ARCN1: variants seen among roughly 807,000 people sequenced by gnomAD.
The protein encoded by ARCN1 is coatomer subunit delta.
ARCN1 carries 5 observed loss-of-function variants against 60.4 expected under a neutral mutation model. The ratio of observed to expected loss-of-function variants is 0.08; its 90% CI spans 0.04 to 0.17. ARCN1 has a LOEUF of 0.17. ARCN1 is among the 10% of genes least tolerant of loss of function. The pLI is 1.00. For synonymous variants in ARCN1, 224 were observed against 220.0 expected (o/e 1.02, Z -0.16); for missense variants, 464 against 626.5 (o/e 0.74, Z 2.77).
chr11:118,589,726 C>G (rs1329308614), intron 5 of ARCN1, among the ~76,000 whole-genome samples: 2 of 151,816 alleles, frequency 1.3e-5, no homozygotes, highest in Non-Finnish European at 2.9e-5. Flanking sequence ...CGTGAATATG[C>G]CTTTATTTGA....
In ARCN1 at chr11:118,583,897, A is replaced by G. The variant is rs1555075039; in HGVS notation, c.536A>G (p.Lys179Arg). ...ARRDAERQGK[K>R]APGFGGFGSS... ...AGAGATGCAGAGAGACAGGGCAAAA[A>G]AGCACCAGGATTTGGCGGATTTGGC... is the stretch of plus-strand genomic sequence containing the variant. The change falls in exon 4 of 10, where the codon AAA (lysine) becomes AGA (arginine). Residue 179 changes from lysine to arginine, a missense_variant. By Grantham distance (26) the Lys-to-Arg change is conservative. This residue lies in a region of ARCN1 where 359 missense variants were observed against 440.2 expected (regional missense o/e 0.82). Transcript: ENST00000264028. 6.2e-7 allele frequency: 1 copy of G among 1,614,256 alleles called. No individual in the cohort carries two copies. The highest frequency in any genetic ancestry group is 8.5e-7 in the Non-Finnish European group (1 of 1,180,046).
chr11:118,581,338 A>G lies in ARCN1; in HGVS notation c.96A>G (p.Leu32=). 6.2e-7 allele frequency: 1 copy of G among 1,614,242 alleles called. No homozygotes were observed. The highest frequency in any genetic ancestry group is 8.5e-7 in the Non-Finnish European group (1 of 1,180,040). ...TGACCCGAACTCGGATTGAGGGCTTATTAGCAGCTTTTCCAAAGCTCATGA... is the reference window on the plus strand; with the variant it reads ...TGACCCGAACTCGGATTGAGGGCTTGTTAGCAGCTTTTCCAAAGCTCATGA... The part of the protein sequence containing the change: ...VEMTRTRIEG[L]LAAFPKLMNT... The change falls in exon 2 of 10, where the codon TTA becomes TTG. Residue 32 remains leucine (L), a synonymous_variant. Coordinates refer to ENST00000264028, the MANE Select transcript of ARCN1 (RefSeq NM_001655.5).
At position 118,593,608 on chromosome 11, in the gene ARCN1, A is replaced by G; in HGVS notation, c.1151A>G (p.Glu384Gly). 6.2e-7 allele frequency: 1 copy of G among 1,612,768 alleles called. No homozygotes were observed. Among genetic ancestry groups the G allele is most frequent in the Non-Finnish European group, 8.5e-7 (1 of 1,178,942 alleles). Residue 384 changes from glutamate (E) to glycine (G), a missense_variant, in exon 8 of 10, where the codon GAG (glutamate) becomes GGG (glycine). Around this residue, in one of 2 missense-constraint regions of ARCN1, gnomAD observed 359 missense variants for 440.2 expected, o/e 0.82. Coordinates refer to ENST00000264028, the MANE Select transcript of ARCN1 (RefSeq NM_001655.5). ...TCCTCAGTTAATTGCTGGCCCTCGG[A>G]GAGTGGAAATGGCTGTGATGTCAAC... ...IPLTINCWPS[E>G]SGNGCDVNIE...
At chr11:118,575,913 G>A (rs1434109823) in intron 1 of ARCN1, among the ~76,000 whole-genome samples, 4 of 151,748 alleles carry the variant, frequency 2.6e-5, no homozygotes, top group Non-Finnish European at 4.4e-5. Context: ...GTTCCAAAGT[G>A]GTTAGAACTG....
intron 9 of ARCN1, among the ~76,000 whole-genome samples, chr11:118,598,243 A>C (rs1163609945): frequency 6.6e-6 from 1 of 152,060 alleles, no homozygotes; most frequent in Non-Finnish European, 1.5e-5. Flanking sequence ...TTGCCAAAAC[A>C]CCCCAACACA....
Position 118,601,671 on chromosome 11 carries a change from C to A in ARCN1, c.*957C>A, listed in dbSNP as rs1555078167. 5 of 702,912 alleles carry A rather than the reference C, an allele frequency of 7.1e-6. No homozygotes were observed. The highest frequency in any genetic ancestry group is 4.4e-5 in the South Asian group (3 of 67,600). 43.5% of individuals were successfully genotyped at this position (702,912 alleles called of 1,614,324 possible). A position where few individuals can be genotyped will look rare whatever the true frequency, so the allele number is the denominator to read the frequency against. On this transcript the variant is annotated 3_prime_UTR_variant, in exon 10 of 10. Coordinates refer to ENST00000264028, the MANE Select transcript of ARCN1 (RefSeq NM_001655.5). ...CTTCTGTTCTTTTCCCGTATCAATTCATTCCTTCATCTCTTTGCCAAGTTG... is the reference window on the plus strand; with the variant it reads ...CTTCTGTTCTTTTCCCGTATCAATTAATTCCTTCATCTCTTTGCCAAGTTG...
intron 1 of ARCN1, among the ~76,000 whole-genome samples, chr11:118,580,519 A>G (rs1197794518): frequency 1.3e-5 from 2 of 152,176 alleles, no homozygotes; most frequent in Non-Finnish European, 2.9e-5. Flanking sequence ...AAAACTACAC[A>G]ACTCTTTTTT....
intron 8 of ARCN1, among the ~76,000 whole-genome samples, chr11:118,597,143 G>T (rs1939043886): frequency 6.6e-6 from 1 of 152,216 alleles, no homozygotes; most frequent in South Asian, 2.1e-4. Flanking sequence ...GGAGGCGGAG[G>T]TTGCAGTGAG....
At chr11:118,581,073 T>C (rs1223331629) in intron 1 of ARCN1, among the ~76,000 whole-genome samples, 173 bp from the exon 2 acceptor site, 1 of 152,156 alleles carries the variant, frequency 6.6e-6, no homozygotes, top group Non-Finnish European at 1.5e-5. Context: ...TGAGCTGTGG[T>C]CTTGCCATTG....
At chr11:118,583,643 A>G (rs1555074993) in intron 3 of ARCN1, among the ~76,000 whole-genome samples, 166 bp from the exon 4 acceptor site, 1 of 152,096 alleles carries the variant, frequency 6.6e-6, no homozygotes, top group Admixed American at 6.6e-5. Context: ...TGTGGGTCCC[A>G]GCTACTTGGG....
chr11:118,601,250 C>T lies in ARCN1; in HGVS notation c.*536C>T, dbSNP rs1033540487. On this transcript the variant is annotated 3_prime_UTR_variant, in exon 10 of 10. Coordinates refer to ENST00000264028, the MANE Select transcript of ARCN1 (RefSeq NM_001655.5). ...CTAATTTTTTGTATTTTAGTAGAGA[C>T]GGGGTTTCACCGTGTTGCCCAGGCT... 1.6e-4 allele frequency: 52 copies of T among 321,892 alleles called. No individual in the cohort carries two copies. The highest frequency in any genetic ancestry group is 8.8e-4 in the African/African-American group (39 of 44,396). The allele number at this position is 321,892 out of a possible 1,614,324, so 19.9% of individuals were successfully genotyped here.
At chr11:118,592,991 G>A in intron 7 of ARCN1, 135 bp downstream of exon 7, 1 of 850,978 alleles carries the variant, frequency 1.2e-6, no homozygotes, top group Non-Finnish European at 1.8e-6. Flanking sequence ...AATGGACCTG[G>A]TGCTGCATTT....
Position 118,600,915 on chromosome 11 carries a change from A to G in ARCN1, c.*201A>G, listed in dbSNP as rs12422097. 5 of 413,300 alleles carry G rather than the reference A, an allele frequency of 1.2e-5. No individual in the cohort carries two copies. Among genetic ancestry groups the G allele is most frequent in the African/African-American group, 1.1e-4 (5 of 47,350 alleles). The allele number at this position is 413,300 out of a possible 1,614,324, so 25.6% of individuals were successfully genotyped here. A position where few individuals can be genotyped will look rare whatever the true frequency, so the allele number is the denominator to read the frequency against. On this transcript the variant is annotated 3_prime_UTR_variant, in exon 10 of 10. Transcript: ENST00000264028. Reference sequence around the variant, plus strand: ...AGACATTCTTTGATAAGGAAATGGCACAAACATAAAGGGAAAGGCTGCTAA... The same window carrying G: ...AGACATTCTTTGATAAGGAAATGGCGCAAACATAAAGGGAAAGGCTGCTAA...
rs182216691 is a variant in ARCN1, at chr11:118,583,683, A to C, written c.448-126A>C. ...TGAGATGGGAGGATCACTTGAGCCCAGGAAGTTGAGGCTGCAGTGAGCTGT... is the reference window on the plus strand; with the variant it reads ...TGAGATGGGAGGATCACTTGAGCCCCGGAAGTTGAGGCTGCAGTGAGCTGT... On this transcript the variant is annotated intron_variant, in intron 3 of 9. Coordinates refer to ENST00000264028, the MANE Select transcript of ARCN1 (RefSeq NM_001655.5). 1.1e-3 allele frequency: 1,065 copies of C among 973,452 alleles called. 5 individuals are homozygous for C. In the African/African-American group the frequency reaches 0.013, roughly 12 times the overall value. 60.3% of individuals were successfully genotyped at this position (973,452 alleles called of 1,614,324 possible).
intron 9 of ARCN1, 133 bp downstream of exon 9, chr11:118,598,044 A>G: frequency 1.3e-6 from 1 of 774,932 alleles, no homozygotes. Flanking sequence ...CTCCTACAGG[A>G]ATTCCCTTTC....
rs913176572 is a variant in ARCN1 at position 118,583,951 on chromosome 11, C to T, written c.590C>T (p.Ala197Val). Residue 197 changes from alanine (A) to valine (V), a missense_variant, in exon 4 of 10, where the codon GCT (alanine) becomes GTT (valine). By Grantham distance (64) the Ala-to-Val change is moderately conservative. Transcript: ENST00000264028. ...TCTGCAGTATCTGGAGGCAGCACAG[C>T]TGCCATGATCACAGAGACCATCATT... ...GSSAVSGGST[A>V]AMITETIIET... The T allele has an allele frequency of 6.2e-7, 1 of 1,614,092 alleles. No individual in the cohort carries two copies. The highest frequency in any genetic ancestry group is 1.3e-5 in the African/African-American group (1 of 74,938).
chr11:118,582,601 C>T (rs1938683071), intron 2 of ARCN1, among the ~76,000 whole-genome samples: 1 of 151,444 alleles, frequency 6.6e-6, no homozygotes. Flanking sequence ...GTGGCGGGCA[C>T]CCATAATCCT....
Position 118,584,560 on chromosome 11 carries a change from A to C in ARCN1, c.734A>C (p.Glu245Ala). ...VDNFVDKLKS[E>A]GETIMSSSMG... ...AACTTTGTGGACAAATTAAAATCTG[A>C]AGGTGAAACCATCATGTCCTCTAGT... Residue 245 changes from glutamate (E) to alanine (A), a missense_variant, in exon 5 of 10, where the codon GAA (glutamate) becomes GCA (alanine). This residue lies in a region of ARCN1 where 359 missense variants were observed against 440.2 expected (regional missense o/e 0.82). Transcript: ENST00000264028. 2 of 1,614,052 alleles carry C rather than the reference A, an allele frequency of 1.2e-6. No homozygotes were observed. The highest frequency in any genetic ancestry group is 1.7e-6 in the Non-Finnish European group (2 of 1,179,990).
chr11:118,590,264 G>A, intron 5 of ARCN1, 77 bp from the exon 6 acceptor site: 1 of 1,280,896 alleles, frequency 7.8e-7, no homozygotes, highest in Non-Finnish European at 1.1e-6. Flanking sequence ...CAAAGTGCTG[G>A]GGTTATAGGC....
Sources: allele counts gnomAD v4.1 joint callset (sites outside exome capture counted in the v4.1 genomes callset), GRCh38; gene constraint gnomAD v4.1.1; regional missense constraint gnomAD v4.1.1; transcripts MANE v1.5; gene names NCBI Gene and HGNC (gene_info 2026-07-23, HGNC 2026-07-21).